The following SPAG16 variants were observed in gnomAD, a reference collection of about 807,000 sequenced individuals.
SPAG16 encodes sperm-associated antigen 16 protein.
In SPAG16, 86 loss-of-function variants were observed where a neutral mutation model predicts 80.4. The observed-to-expected ratio is 1.07, with a 90% CI of 0.90 to 1.28. SPAG16 has a LOEUF of 1.28. Ranked by LOEUF, SPAG16 falls within the 50% of genes most tolerant of loss-of-function variation. The pLI, the probability that SPAG16 is intolerant of heterozygous loss-of-function variation, is 0.00. For missense variants in SPAG16, 870 were observed against 765.3 expected, an observed-to-expected ratio of 1.14 and a Z score of -1.61; for synonymous variants, 294 against 265.9, an observed-to-expected ratio of 1.11 and a Z score of -1.03.
At chr2:213,782,808 A>G (rs1159296041) in intron 10 of SPAG16, among the ~76,000 whole-genome samples, 1 of 152,142 alleles carries the variant, frequency 6.6e-6, no homozygotes, top group Non-Finnish European at 1.5e-5. Context: ...TTGCAGATAG[A>G]TGTTCTAAAA....
At chr2:213,937,114 T>TA (rs2079022801) in intron 12 of SPAG16, among the ~76,000 whole-genome samples, 1 of 152,128 alleles carries the variant, frequency 6.6e-6, no homozygotes, top group South Asian at 2.1e-4. Context: ...AATGATAAGA[T>TA]AGCACCAAAC....
intron 10 of SPAG16, among the ~76,000 whole-genome samples, chr2:213,577,959 C>T (rs978713125): frequency 6.6e-6 from 1 of 152,050 alleles, no homozygotes; most frequent in Non-Finnish European, 1.5e-5. Context: ...ACTTCCTCTG[C>T]TTGCATTCGA....
chr2:213,583,059 T>C (rs1195857723), intron 10 of SPAG16, among the ~76,000 whole-genome samples: 1 of 152,216 alleles, frequency 6.6e-6, no homozygotes, highest in Non-Finnish European at 1.5e-5. Flanking sequence ...GGCCATTGTT[T>C]CTTTTTTCTA....
intron 10 of SPAG16, among the ~76,000 whole-genome samples, chr2:213,710,318 T>A (rs2065929171): frequency 6.6e-6 from 1 of 151,502 alleles, no homozygotes; most frequent in African/African-American, 2.4e-5. Context: ...GGAAATGACA[T>A]AAATCTTCAG....
intron 10 of SPAG16, among the ~76,000 whole-genome samples, chr2:213,543,002 AG>A (rs1488005837): frequency 6.6e-6 from 1 of 152,130 alleles, no homozygotes; most frequent in Non-Finnish European, 1.5e-5. Context: ...CTGATCAGAA[AG>A]AAAGAAGTTT....
At chr2:214,017,452 C>G (rs955121044) in intron 13 of SPAG16, among the ~76,000 whole-genome samples, 1 of 152,148 alleles carries the variant, frequency 6.6e-6, no homozygotes, top group Admixed American at 6.5e-5. Flanking sequence ...TTTTCTCTCT[C>G]TCTCAAGTGC....
chr2:214,210,837 G>A (rs531601581), intron 15 of SPAG16, among the ~76,000 whole-genome samples: 151 of 147,676 alleles, frequency 1.0e-3, no homozygotes, highest in African/African-American at 3.7e-3. Flanking sequence ...ACATGCGCGC[G>A]CGCACACACA....
intron 10 of SPAG16, among the ~76,000 whole-genome samples, chr2:213,597,339 G>A (rs542777253): frequency 6.6e-6 from 1 of 152,080 alleles, no homozygotes; most frequent in Non-Finnish European, 1.5e-5. Flanking sequence ...TCTTCCTACA[G>A]CATTGTAGAA....
chr2:213,509,153 C>T (rs1343596138), intron 10 of SPAG16, among the ~76,000 whole-genome samples: 1 of 152,046 alleles, frequency 6.6e-6, no homozygotes. Context: ...CCTGCCACCA[C>T]ACCCAGCTAA....
chr2:213,769,406 G>T (rs988716958), intron 10 of SPAG16, among the ~76,000 whole-genome samples: 3 of 152,122 alleles, frequency 2.0e-5, no homozygotes, highest in Non-Finnish European at 4.4e-5. Context: ...TTGACAGTTG[G>T]TATAAAGAAG....
At chr2:213,811,137 T>A (rs907296868) in intron 10 of SPAG16, among the ~76,000 whole-genome samples, 1 of 152,212 alleles carries the variant, frequency 6.6e-6, no homozygotes, top group Non-Finnish European at 1.5e-5. Context: ...ACATTAATAT[T>A]CAGTTTTTAC....
At chr2:213,350,505 G>A in intron 6 of SPAG16, 23 bp from the exon 7 acceptor site, 2 of 1,321,670 alleles carry the variant, frequency 1.5e-6, no homozygotes, top group African/African-American at 3.0e-5. Flanking sequence ...CCCTTAAGAT[G>A]CTATTGACTT....
At chr2:214,409,013 T>G (rs939076205) in intron 15 of SPAG16, among the ~76,000 whole-genome samples, 1 of 151,344 alleles carries the variant, frequency 6.6e-6, no homozygotes, top group African/African-American at 2.4e-5. Flanking sequence ...AACTAATATA[T>G]TAAATAGTTA....
intron 10 of SPAG16, among the ~76,000 whole-genome samples, chr2:213,722,407 A>G (rs1031707661): frequency 6.6e-6 from 1 of 152,212 alleles, no homozygotes; most frequent in African/African-American, 2.4e-5. Flanking sequence ...TGGGAGATTT[A>G]GAAAAGAGGT....
At chr2:213,767,106 T>TCA (rs1436314670) in intron 10 of SPAG16, among the ~76,000 whole-genome samples, 2 of 152,208 alleles carry the variant, frequency 1.3e-5, no homozygotes, top group Non-Finnish European at 1.5e-5. Flanking sequence ...ATGTAGGTCA[T>TCA]CATGTCATTC....
chr2:214,143,723 G>A (rs1357172501), intron 14 of SPAG16, among the ~76,000 whole-genome samples: 2 of 152,052 alleles, frequency 1.3e-5, no homozygotes, highest in Non-Finnish European at 1.5e-5. Context: ...ACATGTAGCA[G>A]GAACTGTGCT....
chr2:213,333,325 A>G (rs911468208), intron 5 of SPAG16, among the ~76,000 whole-genome samples: 2 of 152,184 alleles, frequency 1.3e-5, no homozygotes, highest in South Asian at 4.1e-4. Context: ...AATGAAAACT[A>G]TAAAACACTG....
At chr2:213,989,056 G>T (rs2046157619) in intron 12 of SPAG16, among the ~76,000 whole-genome samples, 1 of 152,030 alleles carries the variant, frequency 6.6e-6, no homozygotes, top group African/African-American at 2.4e-5. Context: ...GGTTTGTGCT[G>T]GGTCAGGTTG....
At chr2:214,245,814 G>A (rs1286676351) in intron 15 of SPAG16, among the ~76,000 whole-genome samples, 1 of 152,134 alleles carries the variant, frequency 6.6e-6, no homozygotes, top group African/African-American at 2.4e-5. Context: ...TATTGGGTTA[G>A]AGCCCTAAGC....
Sources: allele counts gnomAD v4.1 joint callset (sites outside exome capture counted in the v4.1 genomes callset), GRCh38; gene constraint gnomAD v4.1.1; transcripts MANE v1.5; gene names NCBI Gene and HGNC (gene_info 2026-07-23, HGNC 2026-07-21).